ARHGEF3: variants seen among roughly 807,000 people sequenced by gnomAD.
The protein encoded by ARHGEF3 is 59.8 kDA protein.
Under a neutral mutation model 63.2 loss-of-function variants are expected in ARHGEF3, and 28 were observed. The ratio of observed to expected loss-of-function variants is 0.44; its 90% CI spans 0.33 to 0.61. The LOEUF (loss-of-function observed/expected upper bound fraction) is 0.61, where lower values mean the gene tolerates loss of function less well. Among genes scored for constraint, ARHGEF3 ranks in the 20% least tolerant of loss-of-function variants. The pLI, the probability that ARHGEF3 is intolerant of heterozygous loss-of-function variation, is 0.03. For missense variants in ARHGEF3, 533 were observed against 659.3 expected (o/e 0.81, Z 2.10); for synonymous variants, 266 against 254.2 (o/e 1.05, Z -0.44).
chr3:56,941,951 C>T (rs543713381), intron 3 of ARHGEF3, among the ~76,000 whole-genome samples: 1 of 152,274 alleles, frequency 6.6e-6, no homozygotes, highest in Admixed American at 6.5e-5. Flanking sequence ...GGCTCTGAAA[C>T]CAGACTGACT....
At chr3:57,004,128 G>A (rs560509311) in intron 2 of ARHGEF3, among the ~76,000 whole-genome samples, 4 of 152,266 alleles carry the variant, frequency 2.6e-5, no homozygotes, top group East Asian at 3.9e-4. Context: ...GGCCCCAGCC[G>A]TGCCCAGTGA....
intron 1 of ARHGEF3, among the ~76,000 whole-genome samples, chr3:57,047,726 G>A (rs544134878): frequency 3.9e-5 from 6 of 152,302 alleles, no homozygotes; most frequent in Admixed American, 2.6e-4. Flanking sequence ...CAGAGTCAGC[G>A]TTGTATTCAA....
At chr3:56,729,857 T>TTTCAGAAACC (rs779248543) in intron 9 of ARHGEF3, among the ~76,000 whole-genome samples, 1 of 151,880 alleles carries the variant, frequency 6.6e-6, no homozygotes, top group East Asian at 1.9e-4. Flanking sequence ...AACCCGCAGG[T>TTTCAGAAACC]GGAGATCATC....
At chr3:56,767,010 A>C (rs913518639) in intron 2 of ARHGEF3, among the ~76,000 whole-genome samples, 5 of 152,218 alleles carry the variant, frequency 3.3e-5, no homozygotes, top group Non-Finnish European at 5.9e-5. Context: ...TTATGAGTCC[A>C]TTAAGAATCA....
At chr3:56,888,453 G>C (rs1319530234) in intron 3 of ARHGEF3, among the ~76,000 whole-genome samples, 1 of 152,168 alleles carries the variant, frequency 6.6e-6, no homozygotes. Flanking sequence ...GTGCCTATAT[G>C]GGGGTGGGGA....
chr3:57,033,416 TAA>T (rs1486681003), intron 2 of ARHGEF3, among the ~76,000 whole-genome samples: 28 of 71,996 alleles, frequency 3.9e-4, no homozygotes, highest in Admixed American at 6.0e-4. Context: ...TTGGCTGCAG[TAA>T]AAAAAAAAAA....
At chr3:56,862,099 C>A (rs2040094395) in intron 4 of ARHGEF3, among the ~76,000 whole-genome samples, 1 of 152,002 alleles carries the variant, frequency 6.6e-6, no homozygotes, top group Non-Finnish European at 1.5e-5. Context: ...AGAGTAAGCC[C>A]CTGACCCTCC....
At chr3:57,058,206 C>CT (rs34365917) in intron 1 of ARHGEF3, among the ~76,000 whole-genome samples, 133,063 of 152,220 alleles carry the variant, frequency 0.87, 58,260 homozygotes, top group East Asian at 0.96. Context: ...TAAGGAATGC[C>CT]TGGAAATTAG....
intron 3 of ARHGEF3, among the ~76,000 whole-genome samples, chr3:56,893,369 G>A (rs1279845698): frequency 6.6e-6 from 1 of 152,114 alleles, no homozygotes; most frequent in African/African-American, 2.4e-5. Flanking sequence ...TGTAGAGATA[G>A]GATCTGTTTT....
At chr3:56,923,297 T>C (rs1489856572) in intron 3 of ARHGEF3, among the ~76,000 whole-genome samples, 1 of 123,492 alleles carries the variant, frequency 8.1e-6, no homozygotes, top group South Asian at 2.4e-4. Context: ...GTATAGGTTT[T>C]AATTTTTCCA....
intron 2 of ARHGEF3, among the ~76,000 whole-genome samples, chr3:56,972,336 C>T (rs1325989789): frequency 6.6e-6 from 1 of 152,058 alleles, no homozygotes; most frequent in Non-Finnish European, 1.5e-5. Flanking sequence ...ATAAATAATT[C>T]CTATAAAGCA....
At chr3:57,069,029 C>A (rs908202620) in intron 1 of ARHGEF3, among the ~76,000 whole-genome samples, 3 of 150,922 alleles carry the variant, frequency 2.0e-5, no homozygotes, top group African/African-American at 4.9e-5. Flanking sequence ...TCAAGCAATT[C>A]TCTGCCTCAG....
At chr3:56,890,542 G>T (rs1392836173) in intron 3 of ARHGEF3, among the ~76,000 whole-genome samples, 2 of 152,206 alleles carry the variant, frequency 1.3e-5, no homozygotes, top group East Asian at 3.8e-4. Context: ...GTCAGGCAGG[G>T]AGGGTATTAG....
chr3:56,837,998 CT>C (rs1468635049), intron 4 of ARHGEF3, among the ~76,000 whole-genome samples: 1 of 152,116 alleles, frequency 6.6e-6, no homozygotes, highest in Non-Finnish European at 1.5e-5. Context: ...GGAATACAGC[CT>C]CTTGGATGTG....
intron 3 of ARHGEF3, among the ~76,000 whole-genome samples, chr3:56,918,628 G>C (rs1031168050): frequency 6.6e-6 from 1 of 152,188 alleles, no homozygotes; most frequent in African/African-American, 2.4e-5. Context: ...TGATGCCCTT[G>C]CTCTGACCAG....
chr3:56,744,570 T>G (rs946201155), intron 7 of ARHGEF3, among the ~76,000 whole-genome samples: 1 of 152,008 alleles, frequency 6.6e-6, no homozygotes, highest in African/African-American at 2.4e-5. Context: ...AGCTAATTTT[T>G]TTTTTTTGTA....
chr3:56,861,183 G>A (rs963176564), intron 4 of ARHGEF3, among the ~76,000 whole-genome samples: 5 of 152,194 alleles, frequency 3.3e-5, no homozygotes, highest in Non-Finnish European at 7.3e-5. Context: ...AGTATGAAGC[G>A]CCTGTCACCA....
At chr3:56,834,889 T>C (rs909486164) in intron 4 of ARHGEF3, among the ~76,000 whole-genome samples, 4 of 152,014 alleles carry the variant, frequency 2.6e-5, no homozygotes, top group African/African-American at 7.3e-5. Flanking sequence ...CATGTAAACA[T>C]ACATTTGGCA....
chr3:57,007,157 A>T (rs1350455645), intron 2 of ARHGEF3: 1 of 1,249,612 alleles, frequency 8.0e-7, no homozygotes, highest in Non-Finnish European at 1.0e-6. Flanking sequence ...TCCATAAAGA[A>T]TTAATAAATA....
Sources: allele counts gnomAD v4.1 joint callset (sites outside exome capture counted in the v4.1 genomes callset), GRCh38; gene constraint gnomAD v4.1.1; transcripts MANE v1.5; gene names NCBI Gene and HGNC (gene_info 2026-07-23, HGNC 2026-07-21).